The following SETDB1 variants were observed in gnomAD, a reference collection of about 807,000 sequenced individuals.
SETDB1 encodes the protein SET domain bifurcated histone lysine methyltransferase 1.
SETDB1 carries 31 observed loss-of-function variants against 137.4 expected under a neutral mutation model. The ratio of observed to expected loss-of-function variants is 0.23; its 90% CI spans 0.17 to 0.30. SETDB1 has a LOEUF of 0.30. Among genes scored for constraint, SETDB1 ranks in the 10% least tolerant of loss-of-function variants. The pLI is 1.00. For synonymous variants in SETDB1, 548 were observed against 579.9 expected (o/e 0.95, Z 0.79); for missense variants, 1,113 against 1,631.5 (o/e 0.68, Z 5.47).
intron 19 of SETDB1, 85 bp from the exon 20 acceptor site, chr1:150,963,445 G>T: frequency 2.6e-6 from 3 of 1,149,888 alleles, no homozygotes; most frequent in Non-Finnish European, 3.8e-6. Flanking sequence ...TGTTGGGAGA[G>T]AAATAGGGGT....
Position 150,927,898 on chromosome 1 carries a change from G to A in SETDB1, c.184G>A (p.Ala62Thr). The change falls in exon 2 of 22, where the codon GCA becomes ACA. Residue 62 changes from alanine (A) to threonine (T), a missense_variant. This residue lies in a region of SETDB1 where 159 missense variants were observed against 188.6 expected (regional missense o/e 0.84). Transcript: ENST00000692827. ...TGTACAGCAACGCAAGAAGCAGCTA[G>A]CAGAGTTAGAGACATGGGTAATACA... is the stretch of plus-strand genomic sequence containing the variant. The part of the protein sequence containing the change: ...DCVQQRKKQL[A>T]ELETWVIQKE... 1 of 1,614,224 alleles carries A rather than the reference G, an allele frequency of 6.2e-7. No individual in the cohort carries two copies. The highest frequency in any genetic ancestry group is 8.5e-7 in the Non-Finnish European group (1 of 1,180,030).
intron 5 of SETDB1, among the ~76,000 whole-genome samples, chr1:150,941,926 G>A (rs1670171972): frequency 6.6e-6 from 1 of 151,906 alleles, no homozygotes; most frequent in African/African-American, 2.4e-5. Context: ...CGGATCACAA[G>A]GTCAGGAGTT....
At chr1:150,931,585 C>G (rs1669748878) in intron 3 of SETDB1, among the ~76,000 whole-genome samples, 1 of 144,722 alleles carries the variant, frequency 6.9e-6, no homozygotes, top group Non-Finnish European at 1.5e-5. Context: ...ACAATGTGCA[C>G]ATGTACCCTA....
At chr1:150,939,451 A>G (rs921933650) in intron 3 of SETDB1, among the ~76,000 whole-genome samples, 9 of 151,560 alleles carry the variant, frequency 5.9e-5, no homozygotes, top group African/African-American at 2.2e-4. Flanking sequence ...CAGCTTCCCA[A>G]GTAGCTGGGA....
At chr1:150,936,018 G>C (rs371385558) in intron 3 of SETDB1, among the ~76,000 whole-genome samples, 1 of 152,150 alleles carries the variant, frequency 6.6e-6, no homozygotes. Flanking sequence ...ACGGAGTCTC[G>C]CTCTGTCGCC....
chr1:150,957,507 C>G (rs1234988520), intron 14 of SETDB1, among the ~76,000 whole-genome samples: 2 of 152,138 alleles, frequency 1.3e-5, no homozygotes, highest in Non-Finnish European at 2.9e-5. Context: ...GCTGTTGATA[C>G]ATTTCCAAAG....
chr1:150,944,203 A>G (rs1255777135), intron 8 of SETDB1, among the ~76,000 whole-genome samples: 1 of 152,192 alleles, frequency 6.6e-6, no homozygotes, highest in Non-Finnish European at 1.5e-5. Flanking sequence ...TTTGTAGACA[A>G]AGAGTGAGAC....
In SETDB1 at chr1:150,950,767, T is replaced by C. The variant is rs931589625; in HGVS notation, c.1893T>C (p.Pro631=). The C allele has an allele frequency of 6.2e-7, 1 of 1,614,054 alleles. No individual in the cohort carries two copies. Among genetic ancestry groups the C allele is most frequent in the Admixed American group, 1.7e-5 (1 of 60,002 alleles). The change falls in exon 13 of 22, where the codon CCT becomes CCC. Residue 631 remains proline (P), a synonymous_variant. Coordinates refer to ENST00000692827, the MANE Select transcript of SETDB1 (RefSeq NM_001366418.1). ...GCTTTCATGTTATCTATAAGACACC[T>C]TGTGGTCTCTGCCTTCGGACAATGC... is the stretch of plus-strand genomic sequence containing the variant. The part of the protein sequence containing the change: ...KMGFHVIYKT[P]CGLCLRTMQE...
Position 150,962,900 on chromosome 1 carries a change from C to A in SETDB1, c.3295-74C>A, listed in dbSNP as rs142791139. 1.1e-5 allele frequency: 17 copies of A among 1,551,378 alleles called. 1 individual carries two copies. In the African/African-American group the frequency reaches 2.0e-4, roughly 19 times the overall value. ...TTGCCACCGCCCTTTCCTGCCAAAC[C>A]GTGGGTAACAGCAAGGACTTAAAGG... On this transcript the variant is annotated intron_variant, in intron 18 of 21. Transcript: ENST00000692827.
chr1:150,958,363 T>C (rs1183954197), intron 14 of SETDB1, among the ~76,000 whole-genome samples: 2 of 147,782 alleles, frequency 1.4e-5, no homozygotes, highest in African/African-American at 2.5e-5. Flanking sequence ...GGAATTCTCC[T>C]ACCTCAGCCT....
At position 150,960,939 on chromosome 1, in the gene SETDB1, TC is replaced by T. The variant is rs760223735; in HGVS notation, c.2882del (p.Pro961LeufsTer6). 6.2e-7 allele frequency: 1 copy of T among 1,613,188 alleles called. No individual in the cohort carries two copies. The highest frequency in any genetic ancestry group is 8.5e-7 in the Non-Finnish European group (1 of 1,179,634). On this transcript the variant is annotated frameshift_variant, in exon 16 of 22. Coordinates refer to ENST00000692827, the MANE Select transcript of SETDB1 (RefSeq NM_001366418.1). LOFTEE classifies it high-confidence loss of function. ...ATCTTGGACCCCCACATATTCCTGTTCCTCCCTCAATCCCTGTAGGTGGCTG... is the reference window on the plus strand; with the variant it reads ...ATCTTGGACCCCCACATATTCCTGTTCTCCCTCAATCCCTGTAGGTGGCTG... ...PDLGPPHIPV[P>X]PSIPVGGCNP...
Position 150,962,665 on chromosome 1 carries a change from G to A in SETDB1, c.3240G>A (p.Lys1080=). ...KPEGLRRPPS[K]TSMHQSRRLM... is the part of the protein sequence containing the mutation. Reference sequence around the variant, plus strand: ...AAGGACTTCGCCGCCCACCTAGTAAGACTAGTATGCATCAAAGCCGAAGAC... The same window carrying A: ...AAGGACTTCGCCGCCCACCTAGTAAAACTAGTATGCATCAAAGCCGAAGAC... Residue 1080 remains lysine, a synonymous_variant, in exon 18 of 22, where the codon AAG becomes AAA. Coordinates refer to ENST00000692827, the MANE Select transcript of SETDB1 (RefSeq NM_001366418.1). 6.2e-7 allele frequency: 1 copy of A among 1,614,030 alleles called. No homozygotes were observed. Among genetic ancestry groups the A allele is most frequent in the Non-Finnish European group, 8.5e-7 (1 of 1,179,942 alleles).
Position 150,951,474 on chromosome 1 carries a change from C to T in SETDB1, c.2326C>T (p.Pro776Ser). 6.4e-7 allele frequency: 1 copy of T among 1,571,134 alleles called. No homozygotes were observed. Among genetic ancestry groups the T allele is most frequent in the Non-Finnish European group, 8.8e-7 (1 of 1,140,746 alleles). The change falls in exon 14 of 22, where the codon CCC becomes TCC. Residue 776 changes from proline to serine, a missense_variant. Pro to Ser is a moderately conservative substitution (Grantham distance 74). Coordinates refer to ENST00000692827, the MANE Select transcript of SETDB1 (RefSeq NM_001366418.1). ...GTACAAGAGACTAGAAGAGTGTCTACCCACAGGGTAAGTGGTCAAGGAATG... is the reference window on the plus strand; with the variant it reads ...GTACAAGAGACTAGAAGAGTGTCTATCCACAGGGTAAGTGGTCAAGGAATG... ...YQYKRLEECLPTGVYECNKRC... is the reference protein window; with the variant it reads ...YQYKRLEECLSTGVYECNKRC...
chr1:150,931,745 AAC>A (rs1669765086), intron 3 of SETDB1, among the ~76,000 whole-genome samples: 1 of 148,894 alleles, frequency 6.7e-6, no homozygotes, highest in Non-Finnish European at 1.5e-5. Context: ...AAAAAAAAAA[AAC>A]AGACATCCTT....
At chr1:150,957,681 T>A (rs587765807) in intron 14 of SETDB1, among the ~76,000 whole-genome samples, 1 of 152,328 alleles carries the variant, frequency 6.6e-6, no homozygotes, top group East Asian at 1.9e-4. Flanking sequence ...TTACCTTTAA[T>A]GGTTGTTTAA....
intron 17 of SETDB1, 99 bp downstream of exon 17, chr1:150,962,257 C>G: frequency 9.3e-7 from 1 of 1,070,974 alleles, no homozygotes; most frequent in Admixed American, 1.7e-5. Flanking sequence ...CAACCTCCCC[C>G]TCCCAGGCTC....
intron 3 of SETDB1, 189 bp downstream of exon 3, chr1:150,930,307 C>G: frequency 1.9e-6 from 1 of 523,872 alleles, no homozygotes; most frequent in Admixed American, 3.6e-5. Context: ...ATGTGCTACA[C>G]CCTGATTGTA....
intron 14 of SETDB1, among the ~76,000 whole-genome samples, chr1:150,952,607 A>G (rs1444197253): frequency 6.6e-6 from 1 of 152,096 alleles, no homozygotes; most frequent in Non-Finnish European, 1.5e-5. Context: ...CGCCGGGCGC[A>G]GTGGCTCACG....
intron 2 of SETDB1, among the ~76,000 whole-genome samples, chr1:150,929,555 T>C (rs1467477908): frequency 1.3e-5 from 2 of 151,678 alleles, no homozygotes; most frequent in African/African-American, 4.8e-5. Flanking sequence ...ATTTTTGTAT[T>C]TTTAGTAGAG....
Sources: allele counts gnomAD v4.1 joint callset (sites outside exome capture counted in the v4.1 genomes callset), GRCh38; gene constraint gnomAD v4.1.1; regional missense constraint gnomAD v4.1.1; transcripts MANE v1.5; gene names NCBI Gene and HGNC (gene_info 2026-07-23, HGNC 2026-07-21).